ANXA10: variants seen among roughly 807,000 people sequenced by gnomAD.
ANXA10 encodes the protein annexin 14.
Under a neutral mutation model 53.5 loss-of-function variants are expected in ANXA10, and 49 were observed. That is an observed-to-expected ratio of 0.92 (90% confidence interval 0.73 to 1.16). The LOEUF (loss-of-function observed/expected upper bound fraction) is 1.16. ANXA10 is among the 50% of genes most tolerant of loss of function. The probability of loss-of-function intolerance (pLI) is 0.00; values close to 1 mark genes in which losing one functional copy is unlikely to be tolerated. For missense variants in ANXA10, 393 were observed against 394.4 expected (o/e 1.00, Z 0.03); for synonymous variants, 131 against 128.9 (o/e 1.02, Z -0.11).
At chr4:168,109,394 C>T (rs969694578) in intron 1 of ANXA10, among the ~76,000 whole-genome samples, 21 of 152,128 alleles carry the variant, frequency 1.4e-4, no homozygotes, top group African/African-American at 5.1e-4. Flanking sequence ...CTTACTCCTT[C>T]TATCTTTGTA....
chr4:168,180,150 G>C (rs527622403), intron 9 of ANXA10, among the ~76,000 whole-genome samples: 50 of 152,108 alleles, frequency 3.3e-4, no homozygotes, highest in Admixed American at 7.9e-4. Flanking sequence ...CTCAAGCTAG[G>C]CTTCCATGAA....
intron 9 of ANXA10, among the ~76,000 whole-genome samples, chr4:168,180,616 G>A (rs1199683897): frequency 6.6e-6 from 1 of 152,162 alleles, no homozygotes; most frequent in Non-Finnish European, 1.5e-5. Context: ...AGCTTTTAAG[G>A]AGTAGTGACT....
intron 3 of ANXA10, among the ~76,000 whole-genome samples, chr4:168,147,790 C>T (rs111727321): frequency 0.011 from 1,720 of 152,286 alleles, 11 homozygotes; most frequent in South Asian, 0.019. Flanking sequence ...TCCTCCTGCT[C>T]CACAAAGGCA....
At chr4:168,158,246 A>G (rs529380303) in intron 3 of ANXA10, among the ~76,000 whole-genome samples, 1 of 152,272 alleles carries the variant, frequency 6.6e-6, no homozygotes, top group Non-Finnish European at 1.5e-5. Context: ...TGTAAGTTTT[A>G]TTTGGTGAAG....
At position 168,164,368 on chromosome 4, in the gene ANXA10, T is replaced by C. The variant is rs1047421575; in HGVS notation, c.400+80T>C. On this transcript the variant is annotated intron_variant, in intron 5 of 11. Transcript: ENST00000359299. ...CATTAAATATTCCAGTTTATGTATTTTGAAGAATTATCTAAGACATTCTTA... is the reference window on the plus strand; with the variant it reads ...CATTAAATATTCCAGTTTATGTATTCTGAAGAATTATCTAAGACATTCTTA... The C allele has an allele frequency of 8.4e-6, 9 of 1,074,108 alleles. No homozygotes were observed. The East Asian group carries it at 1.6e-4, about 19-fold the overall frequency. 66.5% of individuals were successfully genotyped at this position (1,074,108 alleles called of 1,614,324 possible).
chr4:168,156,108 T>TTTATTATATATAA (rs1463383929), intron 3 of ANXA10, among the ~76,000 whole-genome samples: 10 of 41,370 alleles, frequency 2.4e-4, no homozygotes, highest in African/African-American at 9.0e-4. Context: ...TATATAAATA[T>TTTATTATATATAA]TATATTTATT....
At chr4:168,155,101 C>T (rs978266414) in intron 3 of ANXA10, among the ~76,000 whole-genome samples, 1 of 149,802 alleles carries the variant, frequency 6.7e-6, no homozygotes, top group Non-Finnish European at 1.5e-5. Context: ...CAGAACAGTA[C>T]CTTCTCTGTC....
intron 6 of ANXA10, among the ~76,000 whole-genome samples, chr4:168,165,599 A>G (rs1018896419): frequency 3.3e-5 from 5 of 152,180 alleles, no homozygotes; most frequent in African/African-American, 1.2e-4. Flanking sequence ...ATGTATAATT[A>G]ATTTTATATT....
intron 10 of ANXA10, among the ~76,000 whole-genome samples, chr4:168,184,332 T>C (rs933374349): frequency 1.3e-5 from 2 of 152,092 alleles, no homozygotes; most frequent in Non-Finnish European, 2.9e-5. Flanking sequence ...CACAAGGCAT[T>C]CAGAAAATAG....
intron 2 of ANXA10, among the ~76,000 whole-genome samples, chr4:168,136,256 T>A (rs1731235761): frequency 6.6e-6 from 1 of 152,130 alleles, no homozygotes; most frequent in South Asian, 2.1e-4. Context: ...ACAAATCTCA[T>A]GTTCTTCTCA....
At position 168,164,122 on chromosome 4, in the gene ANXA10, C is replaced by T. The variant is rs568404989; in HGVS notation, c.310-76C>T. On this transcript the variant is annotated intron_variant, in intron 4 of 11. Transcript: ENST00000359299. The stretch of plus-strand genomic sequence containing the variant: ...CTCAAAACACTGGAAATGCTGTATC[C>T]CTTTCTTGTACAAAAGGTACACTAT... 7 of 1,091,946 alleles carry T rather than the reference C, an allele frequency of 6.4e-6. No individual in the cohort carries two copies. In the East Asian group the frequency reaches 9.8e-5, roughly 15 times the overall value. The allele number at this position is 1,091,946 out of a possible 1,614,324, so 67.6% of individuals were successfully genotyped here. A position where few individuals can be genotyped will look rare whatever the true frequency, so the allele number is the denominator to read the frequency against.
chr4:168,138,639 G>A (rs891824957), intron 2 of ANXA10, among the ~76,000 whole-genome samples: 3 of 152,154 alleles, frequency 2.0e-5, no homozygotes, highest in African/African-American at 7.2e-5. Context: ...AAATGACACT[G>A]ATAAGCTGAT....
rs144712618 is a variant in ANXA10, at chr4:168,135,260, A to G, written c.101-4226A>G. ...TGTGATTGCTAATTGGCACTTAACA[A>G]AGTCAGGTTCCTGTCCTCACACAGA... is the stretch of plus-strand genomic sequence containing the variant. On this transcript the variant is annotated intron_variant, in intron 2 of 11. Transcript: ENST00000359299. 1.4e-3 allele frequency among the ~76,000 whole-genome samples: 209 copies of G among 152,308 alleles called. 1 individual carries two copies. Among genetic ancestry groups the G allele is most frequent in the African/African-American group, 4.5e-3 (187 of 41,574 alleles).
intron 3 of ANXA10, among the ~76,000 whole-genome samples, chr4:168,156,067 A>ATATAATATT (rs1560784257): frequency 1.6e-5 from 1 of 60,992 alleles, no homozygotes; most frequent in Non-Finnish European, 2.6e-5. Flanking sequence ...TATATATCAT[A>ATATAATATT]TATTATATAT....
At chr4:168,155,454 ATTT>A (rs1731595338) in intron 3 of ANXA10, among the ~76,000 whole-genome samples, 1 of 27,612 alleles carries the variant, frequency 3.6e-5, no homozygotes, top group African/African-American at 2.1e-4. Context: ...TGAATTATAT[ATTT>A]TATAATATAT....
At chr4:168,162,507 T>C (rs1731802840) in intron 3 of ANXA10, 21 bp from the exon 4 acceptor site, 2 of 1,549,078 alleles carry the variant, frequency 1.3e-6, no homozygotes, top group Admixed American at 1.7e-5. Flanking sequence ...ATAATAAATA[T>C]ATGTACTTTT....
At chr4:168,178,121 T>C in intron 8 of ANXA10, 138 bp downstream of exon 8, 2 of 735,430 alleles carry the variant, frequency 2.7e-6, no homozygotes, top group Non-Finnish European at 4.4e-6. Context: ...ATTTTGAATT[T>C]TGTTTATAAG....
chr4:168,183,225 G>A (rs1184071708), intron 10 of ANXA10, among the ~76,000 whole-genome samples: 1 of 152,122 alleles, frequency 6.6e-6, no homozygotes, highest in African/African-American at 2.4e-5. Context: ...ATAGTCAGGA[G>A]TATGTTATTA....
chr4:168,185,017 G>T (rs943373704), intron 11 of ANXA10, among the ~76,000 whole-genome samples: 1 of 152,154 alleles, frequency 6.6e-6, no homozygotes, highest in Non-Finnish European at 1.5e-5. Flanking sequence ...AGCCAGGTGT[G>T]GTGGCACACG....
Sources: allele counts gnomAD v4.1 joint callset (sites outside exome capture counted in the v4.1 genomes callset), GRCh38; gene constraint gnomAD v4.1.1; transcripts MANE v1.5; gene names NCBI Gene and HGNC (gene_info 2026-07-23, HGNC 2026-07-21).